The following ERCC6 variants were observed in gnomAD, a reference collection of about 807,000 sequenced individuals.
ERCC6 encodes the protein ERCC excision repair 6, chromatin remodeling factor, also known as DNA excision repair protein ERCC-6.
Under a neutral mutation model 158.7 loss-of-function variants are expected in ERCC6, and 116 were observed. The ratio of observed to expected loss-of-function variants is 0.73; its 90% CI spans 0.63 to 0.85. The LOEUF (loss-of-function observed/expected upper bound fraction) is 0.85, where lower values mean the gene tolerates loss of function less well. Ranked by LOEUF, ERCC6 falls within the 40% of genes least tolerant of loss-of-function variation. The pLI is 0.00. For missense variants in ERCC6, 1,698 were observed against 1,799.4 expected (o/e 0.94, Z 1.02); for synonymous variants, 678 against 659.3 (o/e 1.03, Z -0.43).
intron 5 of ERCC6, among the ~76,000 whole-genome samples, chr10:49,522,892 G>A (rs1466185405): frequency 6.6e-6 from 1 of 152,162 alleles, no homozygotes; most frequent in African/African-American, 2.4e-5. Flanking sequence ...TACATAAGGT[G>A]CTACTAGAAT....
the ERCC6 span, among the ~76,000 whole-genome samples, chr10:49,442,065 G>A: frequency 6.6e-6 from 1 of 152,200 alleles, no homozygotes; most frequent in African/African-American, 2.4e-5. Context: ...CGCGCCCCCG[G>A]GGGAAGGGGT....
rs1217665430 is a variant in ERCC6, at chr10:49,457,508, C to CT, written c.*1306dup. 6.6e-6 allele frequency: 1 copy of CT among 152,166 alleles called. No homozygotes were observed. The highest frequency in any genetic ancestry group is 1.9e-4 in the East Asian group (1 of 5,186). 9.4% of individuals were successfully genotyped at this position (152,166 alleles called of 1,614,324 possible). A position where few individuals can be genotyped will look rare whatever the true frequency, so the allele number is the denominator to read the frequency against. ...GCCCCCCTGCCCAGAACCCTCCTCT[C>CT]TGAGTCACATGGATGAGCAGACAGA... On this transcript the variant is annotated 3_prime_UTR_variant, in exon 21 of 21. Coordinates refer to ENST00000355832, the MANE Select transcript of ERCC6 (RefSeq NM_000124.4).
intron 5 of ERCC6, among the ~76,000 whole-genome samples, chr10:49,510,017 T>C (rs1033992156): frequency 5.9e-5 from 9 of 152,070 alleles, no homozygotes; most frequent in African/African-American, 1.7e-4. Flanking sequence ...GGAACAAACA[T>C]AAACCTACAA....
the ERCC6 span, among the ~76,000 whole-genome samples, chr10:49,446,833 A>G: frequency 6.6e-6 from 1 of 152,362 alleles, no homozygotes; most frequent in South Asian, 2.1e-4. Context: ...ATAAAAATTC[A>G]ATGGATAGCT....
the ERCC6 span, among the ~76,000 whole-genome samples, chr10:49,448,434 A>G: frequency 6.6e-6 from 1 of 152,198 alleles, no homozygotes; most frequent in Non-Finnish European, 1.5e-5. Context: ...TTAATTATTT[A>G]TTAACAACTG....
intron 6 of ERCC6, chr10:49,501,442 A>G (rs1851353491): frequency 6.6e-6 from 1 of 152,212 alleles, no homozygotes; most frequent in African/African-American, 2.4e-5. Flanking sequence ...ATATGGGTCA[A>G]AGAGAAATAA....
At chr10:49,508,658 A>G (rs995504697) in intron 5 of ERCC6, among the ~76,000 whole-genome samples, 2 of 152,172 alleles carry the variant, frequency 1.3e-5, no homozygotes, top group Admixed American at 6.5e-5. Context: ...GACAGAAAAT[A>G]TCATGGTTAT....
chr10:49,452,723 A>G (rs935442486), downstream of ERCC6, among the ~76,000 whole-genome samples: 3 of 151,990 alleles, frequency 2.0e-5, no homozygotes, highest in African/African-American at 7.2e-5. Context: ...CATTTCTGTC[A>G]GTTTTTGCTT....
intron 8 of ERCC6, among the ~76,000 whole-genome samples, chr10:49,492,223 C>T (rs1049973847): frequency 1.3e-5 from 2 of 152,232 alleles, no homozygotes; most frequent in East Asian, 1.9e-4. Flanking sequence ...TCGTGGTCCC[C>T]GTGCATCTGA....
chr10:49,473,467 C>A lies in ERCC6; in HGVS notation c.2709+10G>T. ...CACCACTCAACTTCCCTGTTACATTCACATGTTACCTCATTGTATCTCGTA... is the reference window on the plus strand; with the variant it reads ...CACCACTCAACTTCCCTGTTACATTAACATGTTACCTCATTGTATCTCGTA... On this transcript the variant is annotated intron_variant, in intron 14 of 20. Transcript: ENST00000355832. 6.5e-7 allele frequency: 1 copy of A among 1,541,418 alleles called. No individual in the cohort carries two copies. The highest frequency in any genetic ancestry group is 1.1e-5 in the South Asian group (1 of 89,636).
chr10:49,472,661 A>T, intron 15 of ERCC6, 191 bp from the exon 16 acceptor site: 1 of 742,210 alleles, frequency 1.3e-6, no homozygotes, highest in South Asian at 1.7e-5. Context: ...ACTTGAAAAA[A>T]TGTTTGTAAC....
At chr10:49,459,293 C>T in intron 20 of ERCC6, 59 bp from the exon 21 acceptor site, 1 of 1,583,656 alleles carries the variant, frequency 6.3e-7, no homozygotes, top group South Asian at 1.1e-5. Context: ...CCCCCACTTC[C>T]TTCCCCAAAG....
chr10:49,514,352 T>C (rs1231906775), intron 5 of ERCC6, among the ~76,000 whole-genome samples: 1 of 152,170 alleles, frequency 6.6e-6, no homozygotes, highest in Admixed American at 6.5e-5. Flanking sequence ...CATTTTATAC[T>C]AGACAAATCA....
chr10:49,506,384 C>T, intron 5 of ERCC6: 4 of 257,938 alleles, frequency 1.6e-5, no homozygotes, highest in Non-Finnish European at 2.2e-5. Context: ...AGTGTCTTCA[C>T]AACCGCAATA....
chr10:49,504,343 AT>A (rs1355365915), intron 6 of ERCC6: 1 of 152,182 alleles, frequency 6.6e-6, no homozygotes, highest in East Asian at 1.9e-4. Context: ...ATTAAGACTA[AT>A]TTTTAAAAAA....
At chr10:49,538,599 G>A (rs1837659476) in intron 1 of ERCC6, among the ~76,000 whole-genome samples, 1 of 152,178 alleles carries the variant, frequency 6.6e-6, no homozygotes, top group African/African-American at 2.4e-5. Context: ...CGCCCAAAAC[G>A]TCGGACGTAC....
At chr10:49,437,303 G>C in the ERCC6 span, among the ~76,000 whole-genome samples, 1 of 152,092 alleles carries the variant, frequency 6.6e-6, no homozygotes, top group Non-Finnish European at 1.5e-5. Context: ...TCAGCAGCAT[G>C]AAAACGGACT....
At chr10:49,477,036 T>C (rs1850890927) in intron 11 of ERCC6, among the ~76,000 whole-genome samples, 1 of 152,126 alleles carries the variant, frequency 6.6e-6, no homozygotes, top group African/African-American at 2.4e-5. Flanking sequence ...GGCAGCATCC[T>C]GCCATGGCCT....
chr10:49,488,664 T>TA (rs1851119267), intron 8 of ERCC6, among the ~76,000 whole-genome samples: 1 of 152,128 alleles, frequency 6.6e-6, no homozygotes, highest in Admixed American at 6.5e-5. Flanking sequence ...TTTTTAAAGT[T>TA]TTTTACTCCC....
Sources: gnomAD v4.1 joint callset for allele counts (sites outside exome capture counted in the v4.1 genomes callset) on GRCh38, gnomAD v4.1.1 for gene constraint, MANE v1.5 for transcripts, NCBI Gene and HGNC (gene_info 2026-07-23, HGNC 2026-07-21) for gene names.